SLC25A42: variants seen among roughly 807,000 people sequenced by gnomAD.
SLC25A42 encodes solute carrier family 25 member 42.
A neutral mutation model predicts 34.7 loss-of-function variants in SLC25A42; 19 were observed. The ratio of observed to expected loss-of-function variants is 0.55; its 90% confidence interval spans 0.38 to 0.80. The LOEUF (loss-of-function observed/expected upper bound fraction) is 0.80, where lower values mean the gene tolerates loss of function less well. Ranked by LOEUF, SLC25A42 falls within the 30% of genes least tolerant of loss-of-function variation. SLC25A42 has a pLI of 0.00. For synonymous variants in SLC25A42, 205 were observed against 191.2 expected, an observed-to-expected ratio of 1.07 and a Z score of -0.59; for missense variants, 364 against 441.3, an observed-to-expected ratio of 0.82 and a Z score of 1.57.
At chr19:19,096,058 G>T (rs553547489) in intron 1 of SLC25A42, 33 bp from the exon 2 acceptor site, 4 of 1,389,118 alleles carry the variant, frequency 2.9e-6, no homozygotes. Flanking sequence ...TCAGGATCTC[G>T]CCGTATCTTA....
At chr19:19,069,771 C>T (rs753800199) in intron 1 of SLC25A42, among the ~76,000 whole-genome samples, 1 of 151,960 alleles carries the variant, frequency 6.6e-6, no homozygotes, top group Non-Finnish European at 1.5e-5. Context: ...TCTCCCGCTT[C>T]AGCCTGCTGA....
At chr19:19,106,568 C>T (rs1005490701) in intron 6 of SLC25A42, 183 bp downstream of exon 6, 8 of 515,626 alleles carry the variant, frequency 1.6e-5, no homozygotes, top group East Asian at 6.7e-5. Flanking sequence ...TTCTCTTAGC[C>T]TGGGGGTCAC....
In SLC25A42 at chr19:19,112,708, TCCCCCACC is replaced by T. The variant is rs374236235; in HGVS notation, c.*1835_*1842del. ...CCGGCAGGAGTTGGGGACAGTGCTG[TCCCCCACC>T]CCTGCACACAGCCAGGCCCTCAGGC... On this transcript the variant is annotated 3_prime_UTR_variant, in exon 8 of 8. Coordinates refer to ENST00000318596, the MANE Select transcript of SLC25A42 (RefSeq NM_178526.5). This position sits in a 1 kb window ranked among gnomAD's most constrained non-coding sequence, Gnocchi z 4.3. 0.019 allele frequency: 2,856 copies of T among 152,692 alleles called. 85 individuals carry two copies. Among genetic ancestry groups the T allele is most frequent in the African/African-American group, 0.065 (2,697 of 41,488 alleles). 9.5% of individuals were successfully genotyped at this position (152,692 alleles called of 1,614,324 possible). A position where few individuals can be genotyped will look rare whatever the true frequency, so the allele number is the denominator to read the frequency against.
Position 19,105,633 on chromosome 19 carries a change from A to G in SLC25A42, c.286A>G (p.Thr96Ala). ...FLSLWRGNSA[T>A]MVRVVPYAAI... ...CAGCTTGTGGCGCGGGAACTCGGCC[A>G]CCATGGTGCGCGTGGTGCCCTACGC... Residue 96 changes from threonine to alanine, a missense_variant, in exon 5 of 8, where the codon ACC (threonine) becomes GCC (alanine). By Grantham distance (58) the Thr-to-Ala change is moderately conservative (BLOSUM62 0). Transcript: ENST00000318596. The G allele has an allele frequency of 6.2e-7, 1 of 1,613,860 alleles. No homozygotes were observed. The highest frequency in any genetic ancestry group is 8.5e-7 in the Non-Finnish European group (1 of 1,179,934).
At chr19:19,098,190 G>A (rs1463319855) in intron 2 of SLC25A42, among the ~76,000 whole-genome samples, 1 of 152,166 alleles carries the variant, frequency 6.6e-6, no homozygotes, top group Non-Finnish European at 1.5e-5. Context: ...GGAAGTATCA[G>A]CCAGAGGCAG....
At chr19:19,096,273 G>A in intron 2 of SLC25A42, 68 bp downstream of exon 2, 1 of 1,008,554 alleles carries the variant, frequency 9.9e-7, no homozygotes. Flanking sequence ...CCCCTCCCAG[G>A]CTCCCTGCCT....
chr19:19,069,023 T>C (rs2059616499), intron 1 of SLC25A42, among the ~76,000 whole-genome samples: 1 of 69,070 alleles, frequency 1.4e-5, no homozygotes. Flanking sequence ...AGGTTCTGTC[T>C]CTTTAAAAAA....
intron 7 of SLC25A42, 97 bp from the exon 8 acceptor site, chr19:19,110,472 C>T (rs1262455495): frequency 2.9e-6 from 3 of 1,018,990 alleles, no homozygotes; most frequent in South Asian, 2.2e-5. Context: ...TGTATGTGCA[C>T]GCAGGTTGCT....
chr19:19,090,413 C>T (rs1394020254), intron 1 of SLC25A42, among the ~76,000 whole-genome samples: 2 of 71,470 alleles, frequency 2.8e-5, no homozygotes. Context: ...ACAAGTTTTA[C>T]GTGTCTTGGG....
At position 19,101,687 on chromosome 19, in the gene SLC25A42, G is replaced by A. The variant is rs943884368; in HGVS notation, c.82-94G>A. 30 of 1,135,940 alleles carry A rather than the reference G, an allele frequency of 2.6e-5. No homozygotes were observed. In the East Asian group the frequency reaches 4.4e-4, roughly 17 times the overall value. 70.4% of individuals were successfully genotyped at this position (1,135,940 alleles called of 1,614,324 possible). The stretch of plus-strand genomic sequence containing the variant: ...AGGGTGGGGTACATCCCTCGGCCCC[G>A]GCCCAGAGGGTGTAAGGAAGGCACT... On this transcript the variant is annotated intron_variant, in intron 2 of 7. Transcript: ENST00000318596.
chr19:19,087,555 T>G (rs1250276730), intron 1 of SLC25A42, among the ~76,000 whole-genome samples: 3 of 152,248 alleles, frequency 2.0e-5, no homozygotes, highest in Non-Finnish European at 4.4e-5. Context: ...CCCAAAGTGC[T>G]GGGATTACAG....
At chr19:19,107,094 G>T (rs908322576) in intron 6 of SLC25A42, among the ~76,000 whole-genome samples, 7 of 152,080 alleles carry the variant, frequency 4.6e-5, no homozygotes, top group African/African-American at 1.7e-4. Flanking sequence ...AAGGCAGGAG[G>T]ATCGCTTGAG....
At chr19:19,074,760 AGT>A (rs748485737) in intron 1 of SLC25A42, among the ~76,000 whole-genome samples, 6 of 151,482 alleles carry the variant, frequency 4.0e-5, no homozygotes, top group African/African-American at 9.7e-5. Flanking sequence ...AGCGAGTGTG[AGT>A]GTGTGTGTAT....
chr19:19,108,835 G>A (rs1001515298), intron 7 of SLC25A42, among the ~76,000 whole-genome samples: 7 of 152,052 alleles, frequency 4.6e-5, no homozygotes, highest in Admixed American at 4.6e-4. Context: ...TGTTGCCCAA[G>A]TTGGTCTCAA....
intron 1 of SLC25A42, among the ~76,000 whole-genome samples, chr19:19,068,804 C>T (rs908140331): frequency 2.0e-5 from 3 of 151,928 alleles, no homozygotes; most frequent in African/African-American, 7.3e-5. Context: ...CACCACTGCA[C>T]TCCAGCCTGG....
chr19:19,101,665 G>A (rs988688868), intron 2 of SLC25A42, 116 bp from the exon 3 acceptor site: 25 of 849,908 alleles, frequency 2.9e-5, no homozygotes, highest in Non-Finnish European at 4.4e-5. Flanking sequence ...CATACTCAGG[G>A]TGGGGTACAT....
chr19:19,105,473 C>A lies in SLC25A42; in HGVS notation c.214-88C>A. The A allele has an allele frequency of 4.0e-6, 6 of 1,514,910 alleles. No homozygotes were observed. The South Asian group carries it at 7.7e-5, about 19-fold the overall frequency. The allele number at this position is 1,514,910 out of a possible 1,614,324, so 93.8% of individuals were successfully genotyped here. A position where few individuals can be genotyped will look rare whatever the true frequency, so the allele number is the denominator to read the frequency against. ...AGATGGGGTCACCCCGGCCCCGCCTCCGCACTTTGGGCGCTCTGCTGGTCA... is the reference window on the plus strand; with the variant it reads ...AGATGGGGTCACCCCGGCCCCGCCTACGCACTTTGGGCGCTCTGCTGGTCA... On this transcript the variant is annotated intron_variant, in intron 4 of 7. Transcript: ENST00000318596.
intron 1 of SLC25A42, among the ~76,000 whole-genome samples, chr19:19,092,288 T>C (rs2059742133): frequency 6.6e-6 from 1 of 152,220 alleles, no homozygotes; most frequent in Non-Finnish European, 1.5e-5. Context: ...GGTGTATCTT[T>C]CAGGGGCCAT....
chr19:19,083,223 G>A (rs973070022), intron 1 of SLC25A42, among the ~76,000 whole-genome samples: 3 of 152,182 alleles, frequency 2.0e-5, no homozygotes, highest in African/African-American at 4.8e-5. Flanking sequence ...AGATTACAAG[G>A]CGTGAGCCAC....
Sources: gnomAD v4.1 joint callset for allele counts (sites outside exome capture counted in the v4.1 genomes callset) on GRCh38, gnomAD v4.1.1 for gene constraint, Gnocchi (gnomAD v3.1) non-coding constraint, MANE v1.5 for transcripts, NCBI Gene and HGNC (gene_info 2026-07-23, HGNC 2026-07-21) for gene names.